ABCA13: variants seen among roughly 807,000 people sequenced by gnomAD.
The protein encoded by ABCA13 is ATP binding cassette subfamily A member 13.
A neutral mutation model predicts 478.7 loss-of-function variants in ABCA13; 476 were observed. The observed-to-expected ratio is 0.99, with a 90% CI of 0.92 to 1.07. ABCA13 has a LOEUF of 1.07. ABCA13 is among the 50% of genes least tolerant of loss of function. The pLI is 0.00. For missense variants in ABCA13, 6,060 were observed against 5,910.6 expected (o/e 1.03, Z -0.83); for synonymous variants, 2,252 against 2,158.9 (o/e 1.04, Z -1.20).
Position 48,244,606 on chromosome 7 carries a change from G to C in ABCA13, c.1293G>C (p.Leu431Phe), listed in dbSNP as rs1409077668. The C allele has an allele frequency of 2.5e-6, 4 of 1,613,262 alleles. No individual in the cohort carries two copies. Among genetic ancestry groups the C allele is most frequent in the Non-Finnish European group, 3.4e-6 (4 of 1,179,676 alleles). The change falls in exon 11 of 62, where the codon TTG becomes TTC. Residue 431 changes from leucine (L) to phenylalanine (F), a missense_variant. Transcript: ENST00000435803. ...ILQHLWKLQS[L>F]LQNLPQWPAL... ...AGCATCTGTGGAAATTGCAAAGCTT[G>C]CTGCAAAACCTGCCCCAGTGGCCGG...
At chr7:48,290,105 G>A (rs546064145) in intron 20 of ABCA13, among the ~76,000 whole-genome samples, 1 of 152,312 alleles carries the variant, frequency 6.6e-6, no homozygotes, top group Non-Finnish European at 1.5e-5. Flanking sequence ...GAATCGATAT[G>A]ACAAAAGTTT....
chr7:48,603,556 G>T (rs1488424697), intron 58 of ABCA13, among the ~76,000 whole-genome samples: 1 of 152,184 alleles, frequency 6.6e-6, no homozygotes, highest in Non-Finnish European at 1.5e-5. Flanking sequence ...TTTTGAACCA[G>T]CCTTGCATCC....
intron 35 of ABCA13, among the ~76,000 whole-genome samples, chr7:48,386,136 T>C (rs1815151418): frequency 6.6e-6 from 1 of 152,180 alleles, no homozygotes; most frequent in Non-Finnish European, 1.5e-5. Context: ...CAAACTTCCA[T>C]TCACAACTGC....
chr7:48,506,493 A>G (rs1344462595), intron 49 of ABCA13, 103 bp downstream of exon 49: 1 of 1,313,152 alleles, frequency 7.6e-7, no homozygotes, highest in Non-Finnish European at 1.1e-6. Context: ...TTGCCCCAAG[A>G]GATGGCTTAT....
intron 29 of ABCA13, among the ~76,000 whole-genome samples, chr7:48,338,947 A>G (rs1436379221): frequency 6.6e-6 from 1 of 152,182 alleles, no homozygotes; most frequent in East Asian, 1.9e-4. Flanking sequence ...AGTTCCATGA[A>G]ATAATCCATA....
chr7:48,399,753 C>T (rs1398027606), intron 38 of ABCA13, among the ~76,000 whole-genome samples: 1 of 152,146 alleles, frequency 6.6e-6, no homozygotes, highest in Non-Finnish European at 1.5e-5. Context: ...CAACACCCAA[C>T]AGTGGATGAT....
At chr7:48,387,509 G>A (rs1190792178) in intron 35 of ABCA13, among the ~76,000 whole-genome samples, 1 of 152,094 alleles carries the variant, frequency 6.6e-6, no homozygotes, top group Non-Finnish European at 1.5e-5. Flanking sequence ...GGGGCAGGGT[G>A]GGACTTTACT....
intron 45 of ABCA13, among the ~76,000 whole-genome samples, chr7:48,476,654 A>G (rs1828127311): frequency 6.6e-6 from 1 of 152,126 alleles, no homozygotes; most frequent in Non-Finnish European, 1.5e-5. Flanking sequence ...TAAACTAATC[A>G]CAATCTTGTA....
chr7:48,594,661 C>A, intron 57 of ABCA13, 49 bp from the exon 58 acceptor site: 1 of 1,540,418 alleles, frequency 6.5e-7, no homozygotes, highest in Non-Finnish European at 9.0e-7. Context: ...GTGTATATTT[C>A]TATTTGTGTT....
At chr7:48,431,350 AC>A (rs1381863762) in intron 42 of ABCA13, among the ~76,000 whole-genome samples, 12 of 146,270 alleles carry the variant, frequency 8.2e-5, no homozygotes, top group African/African-American at 3.1e-4. Flanking sequence ...TCAAACAACA[AC>A]AACAACAACA....
chr7:48,335,300 A>G (rs188410953), intron 27 of ABCA13, 122 bp from the exon 28 acceptor site: 178 of 608,888 alleles, frequency 2.9e-4, no homozygotes, highest in Middle Eastern at 8.0e-4. Context: ...TGAGGAAGGC[A>G]TTAGCTGGCC....
intron 47 of ABCA13, among the ~76,000 whole-genome samples, chr7:48,485,195 A>G (rs1829169046): frequency 6.6e-6 from 1 of 151,852 alleles, no homozygotes; most frequent in African/African-American, 2.4e-5. Context: ...CTGTTCTCCC[A>G]TGGAATTTTA....
chr7:48,301,330 G>T (rs776719434), intron 23 of ABCA13, among the ~76,000 whole-genome samples: 6 of 152,106 alleles, frequency 3.9e-5, no homozygotes, highest in Non-Finnish European at 8.8e-5. Flanking sequence ...CTGGGGGCTG[G>T]TTCTGTCGGT....
chr7:48,638,529 T>C (rs1036245130), intron 59 of ABCA13, among the ~76,000 whole-genome samples: 6 of 152,214 alleles, frequency 3.9e-5, no homozygotes, highest in African/African-American at 1.4e-4. Context: ...TTGTTGTTGT[T>C]GTTATTTGTC....
intron 59 of ABCA13, among the ~76,000 whole-genome samples, chr7:48,616,458 C>A (rs1792577931): frequency 6.6e-6 from 1 of 152,084 alleles, no homozygotes. Context: ...GTTTTATAAC[C>A]CATTCTTGAT....
At chr7:48,384,960 T>C (rs1373742688) in intron 35 of ABCA13, among the ~76,000 whole-genome samples, 1 of 152,212 alleles carries the variant, frequency 6.6e-6, no homozygotes, top group Non-Finnish European at 1.5e-5. Flanking sequence ...CTCGCTCTTG[T>C]GACTTCATTT....
chr7:48,384,673 T>C (rs1814899618), intron 35 of ABCA13, among the ~76,000 whole-genome samples: 1 of 152,190 alleles, frequency 6.6e-6, no homozygotes, highest in Non-Finnish European at 1.5e-5. Flanking sequence ...CTTTGCAAGG[T>C]TCTTGGAGGA....
Position 48,638,494 on chromosome 7 carries a change from T to C in ABCA13, c.14838-4794T>C, listed in dbSNP as rs367776696. 2.0e-5 allele frequency among the ~76,000 whole-genome samples: 3 copies of C among 152,226 alleles called. No individual in the cohort carries two copies. The South Asian group carries it at 6.2e-4, about 32-fold the overall frequency. On this transcript the variant is annotated intron_variant, in intron 59 of 61. Coordinates refer to ENST00000435803, the MANE Select transcript of ABCA13 (RefSeq NM_152701.5). ...GAGGTTTTCTTCTCCAGGAGGAATG[T>C]GAGTGCCAGCTGCCAAACACTGTTT... is the stretch of plus-strand genomic sequence containing the variant.
intron 59 of ABCA13, among the ~76,000 whole-genome samples, chr7:48,629,572 T>C (rs1344827418): frequency 1.4e-5 from 1 of 73,466 alleles, no homozygotes; most frequent in Non-Finnish European, 2.7e-5. Flanking sequence ...AGTTACATTT[T>C]GGCAAAAAAA....
Sources: gnomAD v4.1 joint callset for allele counts (sites outside exome capture counted in the v4.1 genomes callset) on GRCh38, gnomAD v4.1.1 for gene constraint, MANE v1.5 for transcripts, NCBI Gene and HGNC (gene_info 2026-07-23, HGNC 2026-07-21) for gene names.